The following CMBL variants were observed in gnomAD, a reference collection of about 807,000 sequenced individuals.
The protein encoded by CMBL is carboxymethylenebutenolidase homolog, also known as carboxymethylenebutenolidase homolog (Pseudomonas).
In CMBL, 17 loss-of-function variants were observed where a neutral mutation model predicts 28.7. That is an observed-to-expected ratio of 0.59 (90% CI 0.41 to 0.89). The LOEUF (loss-of-function observed/expected upper bound fraction) is 0.89. Among genes scored for constraint, CMBL ranks in the 40% least tolerant of loss-of-function variants. The probability of loss-of-function intolerance (pLI) is 0.00; values close to 1 mark genes in which losing one functional copy is unlikely to be tolerated. For missense variants in CMBL, 310 were observed against 298.5 expected, an observed-to-expected ratio of 1.04 and a Z score of -0.28; for synonymous variants, 106 against 101.6, an observed-to-expected ratio of 1.04 and a Z score of -0.26.
At chr5:10,301,170 G>A (rs1746891433) in intron 1 of CMBL, among the ~76,000 whole-genome samples, 1 of 152,042 alleles carries the variant, frequency 6.6e-6, no homozygotes, top group South Asian at 2.1e-4. Context: ...TAGGGCAAAA[G>A]GGTATTATCT....
intron 3 of CMBL, among the ~76,000 whole-genome samples, chr5:10,286,930 G>A (rs182774000): frequency 3.9e-4 from 59 of 152,296 alleles, no homozygotes; most frequent in African/African-American, 1.4e-3. Context: ...CCCATGAGCA[G>A]CCATAACTAT....
chr5:10,278,485 T>C lies in CMBL; in HGVS notation c.*1968A>G, dbSNP rs1271077356. ...GTCCCCGGGGCTCATGCCTGCTTGCTCTAAACCCCCCAGTTAGAACCTCCA... is the reference window on the plus strand; with the variant it reads ...GTCCCCGGGGCTCATGCCTGCTTGCCCTAAACCCCCCAGTTAGAACCTCCA... On this transcript the variant is annotated 3_prime_UTR_variant, in exon 6 of 6. Transcript: ENST00000296658. 6.6e-6 allele frequency among the ~76,000 whole-genome samples: 1 copy of C among 151,996 alleles called. No individual in the cohort carries two copies. The highest frequency in any genetic ancestry group is 1.5e-5 in the Non-Finnish European group (1 of 68,014).
At chr5:10,287,841 G>A (rs921434028) in intron 3 of CMBL, among the ~76,000 whole-genome samples, 1 of 151,678 alleles carries the variant, frequency 6.6e-6, no homozygotes. Context: ...CTCCCAAGTA[G>A]CTGGGACTAC....
intron 4 of CMBL, among the ~76,000 whole-genome samples, chr5:10,282,946 T>C (rs13179889): frequency 0.59 from 89,864 of 151,526 alleles, 28,257 homozygotes; most frequent in Non-Finnish European, 0.7. Flanking sequence ...AAAAATTAGC[T>C]AGGTGTGGTG....
intron 1 of CMBL, among the ~76,000 whole-genome samples, chr5:10,298,442 G>A (rs1207138619): frequency 6.6e-6 from 1 of 152,184 alleles, no homozygotes; most frequent in African/African-American, 2.4e-5. Context: ...ATACTAAGTG[G>A]ATATTTGATG....
chr5:10,284,596 T>C (rs189719126), intron 4 of CMBL, among the ~76,000 whole-genome samples: 41 of 152,352 alleles, frequency 2.7e-4, no homozygotes, highest in Non-Finnish European at 5.6e-4. Flanking sequence ...TTCAAGACTT[T>C]ATTATAAAAT....
At chr5:10,304,685 G>A (rs922178852) in intron 1 of CMBL, among the ~76,000 whole-genome samples, 1 of 152,210 alleles carries the variant, frequency 6.6e-6, no homozygotes, top group Non-Finnish European at 1.5e-5. Context: ...AAACGCAGTG[G>A]CTCACACCTG....
In CMBL at chr5:10,286,404, T is replaced by G. The variant is rs1034529005; in HGVS notation, c.416A>C (p.His139Pro). 1.9e-6 allele frequency: 3 copies of G among 1,614,058 alleles called. No homozygotes were observed. Among genetic ancestry groups the G allele is most frequent in the Non-Finnish European group, 2.5e-6 (3 of 1,180,020 alleles). The change falls in exon 4 of 6, where the codon CAT (histidine) becomes CCT (proline). Residue 139 changes from histidine to proline, a missense_variant. Physicochemically the swap from His to Pro is moderately conservative, Grantham distance 77 (BLOSUM62 -2). Transcript: ENST00000296658. ...TTCTGAGTATTTCATCATCAAATGA[T>G]GGACAGCAGTTCCACCCCAGCAGAA... Reference protein sequence around the residue: ...VGFCWGGTAVHHLMMKYSEFR... With the variant: ...VGFCWGGTAVPHLMMKYSEFR...
At position 10,290,785 on chromosome 5, in the gene CMBL, T is replaced by C; in HGVS notation, c.-19-4A>G. On this transcript the variant is annotated splice_polypyrimidine_tract_variant and splice_region_variant and intron_variant, in intron 1 of 5. Transcript: ENST00000296658. ...CATTGCAGAGATTTAAGTCGGGCTATGGAGAGAGAAACATGCGTTATATTC... is the reference window on the plus strand; with the variant it reads ...CATTGCAGAGATTTAAGTCGGGCTACGGAGAGAGAAACATGCGTTATATTC... 3 of 1,599,090 alleles carry C rather than the reference T, an allele frequency of 1.9e-6. No individual in the cohort carries two copies. The highest frequency in any genetic ancestry group is 1.1e-5 in the South Asian group (1 of 90,798).
At chr5:10,284,809 CTA>C (rs1230310383) in intron 4 of CMBL, among the ~76,000 whole-genome samples, 1 of 152,102 alleles carries the variant, frequency 6.6e-6, no homozygotes, top group Non-Finnish European at 1.5e-5. Context: ...GCTATATTTC[CTA>C]TGTGTCTTTT....
rs140540093 is a variant in CMBL, at chr5:10,280,280, A to C, written c.*173T>G. 6.2e-5 allele frequency: 32 copies of C among 517,170 alleles called. No individual in the cohort carries two copies. Among genetic ancestry groups the C allele is most frequent in the African/African-American group, 5.3e-4 (28 of 52,786 alleles). 32.0% of individuals were successfully genotyped at this position (517,170 alleles called of 1,614,324 possible). A position where few individuals can be genotyped will look rare whatever the true frequency, so the allele number is the denominator to read the frequency against. ...TTATGATTCGATGTACATGTCAAAA[A>C]TTAAATTATTTCATGCATTACGTCC... On this transcript the variant is annotated 3_prime_UTR_variant, in exon 6 of 6. Coordinates refer to ENST00000296658, the MANE Select transcript of CMBL (RefSeq NM_138809.4).
In CMBL at chr5:10,289,287, G is replaced by A. The variant is rs982107916; in HGVS notation, c.216-758C>T. ...CTTGGCCTTCACAAGTCATGTCACCGCTTCTAGCCTCATTTTCTCATCTGA... is the reference window on the plus strand; with the variant it reads ...CTTGGCCTTCACAAGTCATGTCACCACTTCTAGCCTCATTTTCTCATCTGA... On this transcript the variant is annotated intron_variant, in intron 2 of 5. Coordinates refer to ENST00000296658, the MANE Select transcript of CMBL (RefSeq NM_138809.4). This position sits in a 1 kb window ranked among gnomAD's most constrained non-coding sequence, Gnocchi z 4.3. Among the ~76,000 whole-genome samples, 6 of 152,170 alleles carry A rather than the reference G, an allele frequency of 3.9e-5. No homozygotes were observed. The highest frequency in any genetic ancestry group is 2.0e-4 in the Admixed American group (3 of 15,274).
At chr5:10,302,338 T>A (rs1465859468) in intron 1 of CMBL, among the ~76,000 whole-genome samples, 1 of 152,176 alleles carries the variant, frequency 6.6e-6, no homozygotes, top group Non-Finnish European at 1.5e-5. Context: ...CCTGTAAAAC[T>A]AATTCAGGCC....
At chr5:10,298,956 G>T (rs1283161341) in intron 1 of CMBL, among the ~76,000 whole-genome samples, 1 of 152,148 alleles carries the variant, frequency 6.6e-6, no homozygotes, top group Non-Finnish European at 1.5e-5. Context: ...AGGTGTCCAC[G>T]TGCTGATGGT....
In CMBL at chr5:10,278,291, T is replaced by A. The variant is rs1287736; in HGVS notation, c.*2162A>T. On this transcript the variant is annotated 3_prime_UTR_variant, in exon 6 of 6. Transcript: ENST00000296658. ...AGTTTCCAGTTATACAACTTCTCAC[T>A]GTTCCCCAAGGTGGTCGATCCAGAC... 0.88 allele frequency among the ~76,000 whole-genome samples: 134,282 copies of A among 152,158 alleles called. 59,374 individuals are homozygous for A. The highest frequency in any genetic ancestry group is 0.9 in the East Asian group (4,646 of 5,172).
chr5:10,287,023 C>A (rs757589972), intron 3 of CMBL, among the ~76,000 whole-genome samples: 2 of 152,202 alleles, frequency 1.3e-5, no homozygotes, highest in Non-Finnish European at 2.9e-5. Flanking sequence ...GTCTCCTCCC[C>A]CTGCCGCCCA....
intron 1 of CMBL, among the ~76,000 whole-genome samples, chr5:10,306,636 T>C (rs1255570432): frequency 1.3e-5 from 2 of 152,194 alleles, no homozygotes; most frequent in Admixed American, 6.5e-5. Flanking sequence ...GGAACTTGCA[T>C]GGCAAGTGAT....
At chr5:10,282,651 T>C (rs1341778910) in intron 4 of CMBL, among the ~76,000 whole-genome samples, 1 of 151,618 alleles carries the variant, frequency 6.6e-6, no homozygotes, top group Non-Finnish European at 1.5e-5. Flanking sequence ...GGTGTGGTGG[T>C]GCATGCCTGT....
At chr5:10,283,757 C>T (rs535774175) in intron 4 of CMBL, among the ~76,000 whole-genome samples, 5 of 152,310 alleles carry the variant, frequency 3.3e-5, no homozygotes, top group African/African-American at 1.2e-4. Flanking sequence ...GAACAAGATG[C>T]TGTCTCAAAA....
Sources: allele counts gnomAD v4.1 joint callset (sites outside exome capture counted in the v4.1 genomes callset), GRCh38; gene constraint gnomAD v4.1.1; non-coding constraint Gnocchi (gnomAD v3.1); transcripts MANE v1.5; gene names NCBI Gene and HGNC (gene_info 2026-07-23, HGNC 2026-07-21).